Variants in KLF13 observed in about 807,000 individuals in gnomAD.
The protein encoded by KLF13 is KLF transcription factor 13.
A neutral mutation model predicts 16.7 loss-of-function variants in KLF13; 8 were observed. That is an observed-to-expected ratio of 0.48 (90% CI 0.28 to 0.87). The LOEUF (loss-of-function observed/expected upper bound fraction) is 0.87, where lower values mean the gene tolerates loss of function less well. Ranked by LOEUF, KLF13 falls within the 40% of genes least tolerant of loss-of-function variation. KLF13 has a pLI of 0.10. For missense variants in KLF13, 447 were observed against 452.2 expected, an observed-to-expected ratio of 0.99 and a Z score of 0.10; for synonymous variants, 245 against 208.4, an observed-to-expected ratio of 1.18 and a Z score of -1.51.
chr15:31,399,504 A>G (rs1478784701), intron 2 of KLF13, among the ~76,000 whole-genome samples: 1 of 152,052 alleles, frequency 6.6e-6, no homozygotes, highest in Non-Finnish European at 1.5e-5. Flanking sequence ...CCAAACCACC[A>G]CACACTGCCC....
chr15:31,369,930 C>A (rs2039531340), intron 1 of KLF13, among the ~76,000 whole-genome samples: 1 of 152,092 alleles, frequency 6.6e-6, no homozygotes, highest in African/African-American at 2.4e-5. Context: ...GTGAGAGCTC[C>A]TGTTTTTACT....
At chr15:31,360,266 A>G (rs912677728) in intron 1 of KLF13, among the ~76,000 whole-genome samples, 1 of 152,186 alleles carries the variant, frequency 6.6e-6, no homozygotes, top group Non-Finnish European at 1.5e-5. Context: ...GGGCACGGAC[A>G]TGCAGCGGGC....
At chr15:31,366,729 C>CATCACTGTGTGCCCCCATGTG (rs2039477648) in intron 1 of KLF13, among the ~76,000 whole-genome samples, 1 of 150,170 alleles carries the variant, frequency 6.7e-6, no homozygotes, top group African/African-American at 2.5e-5. Flanking sequence ...TGGCCCCTCA[C>CATCACTGTGTGCCCCCATGTG]CTCACTGTGT....
intron 1 of KLF13, among the ~76,000 whole-genome samples, chr15:31,364,221 C>T (rs1031784391): frequency 6.6e-6 from 1 of 152,138 alleles, no homozygotes; most frequent in South Asian, 2.1e-4. Flanking sequence ...TATTCGAAAA[C>T]AAAGCAAAGC....
chr15:31,360,151 G>C (rs2039359970), intron 1 of KLF13, among the ~76,000 whole-genome samples: 2 of 152,224 alleles, frequency 1.3e-5, no homozygotes, highest in South Asian at 4.1e-4. Context: ...TTTCTTCCCG[G>C]CTGGTGTCCC....
intron 1 of KLF13, among the ~76,000 whole-genome samples, chr15:31,414,993 C>A (rs766932729): frequency 5.9e-5 from 9 of 152,170 alleles, no homozygotes; most frequent in Non-Finnish European, 1.3e-4. Flanking sequence ...TGTCTTGGTG[C>A]TATCCTCATA....
chr15:31,399,629 C>G (rs1003547795), intron 2 of KLF13, among the ~76,000 whole-genome samples: 8 of 152,234 alleles, frequency 5.3e-5, no homozygotes, highest in African/African-American at 1.9e-4. Context: ...GTGCTGAAAC[C>G]TGCACTAACC....
chr15:31,360,790 C>A (rs373980479), intron 1 of KLF13, among the ~76,000 whole-genome samples: 13 of 152,188 alleles, frequency 8.5e-5, no homozygotes, highest in Admixed American at 8.5e-4. Flanking sequence ...CATTTTAATT[C>A]GGATGTATTT....
At chr15:31,420,254 A>G in intron 1 of KLF13, 1 of 702,556 alleles carries the variant, frequency 1.4e-6, no homozygotes, top group Non-Finnish European at 2.6e-6. Context: ...GATGACCCTC[A>G]TGATATCTGG....
upstream of KLF13, among the ~76,000 whole-genome samples, chr15:31,392,000 G>T (rs1235858470): frequency 1.3e-5 from 2 of 152,038 alleles, no homozygotes; most frequent in African/African-American, 4.8e-5. Context: ...GGCTGGGCGG[G>T]CGCCGAGCCC....
chr15:31,341,861 T>C (rs1458742045), intron 1 of KLF13, among the ~76,000 whole-genome samples: 2 of 152,138 alleles, frequency 1.3e-5, no homozygotes, highest in African/African-American at 2.4e-5. Context: ...TGCGTCTGTA[T>C]CCTCCTGGAT....
At chr15:31,405,314 A>C (rs1036013238), downstream of KLF13, among the ~76,000 whole-genome samples, 1 of 152,200 alleles carries the variant, frequency 6.6e-6, no homozygotes, top group Admixed American at 6.5e-5. Context: ...ACTCCGTCTC[A>C]AAAAAACAGA....
chr15:31,329,872 G>A (rs1392186783), intron 1 of KLF13, among the ~76,000 whole-genome samples: 1 of 152,208 alleles, frequency 6.6e-6, no homozygotes, highest in Admixed American at 6.5e-5. Context: ...GGGTGGCGGG[G>A]AGTTGGGAAG....
At chr15:31,417,232 G>A (rs1048791113) in intron 1 of KLF13, among the ~76,000 whole-genome samples, 17 of 152,102 alleles carry the variant, frequency 1.1e-4, no homozygotes, top group African/African-American at 4.1e-4. Context: ...AGTGGCTCAT[G>A]GCTGTAATCC....
chr15:31,383,523 G>A (rs141481823), intron 1 of KLF13, among the ~76,000 whole-genome samples: 4 of 152,322 alleles, frequency 2.6e-5, no homozygotes, highest in Non-Finnish European at 4.4e-5. Flanking sequence ...GGACAGGGTC[G>A]CACTCACACT....
intron 1 of KLF13, among the ~76,000 whole-genome samples, chr15:31,340,779 G>T (rs958232942): frequency 6.6e-6 from 1 of 152,146 alleles, no homozygotes; most frequent in African/African-American, 2.4e-5. Flanking sequence ...GCAGGCAGGA[G>T]GATCACTTGA....
intron 1 of KLF13, among the ~76,000 whole-genome samples, chr15:31,353,807 C>T (rs184104646): frequency 1.3e-5 from 2 of 152,176 alleles, no homozygotes; most frequent in Admixed American, 6.5e-5. Context: ...AGGCAACCCC[C>T]ACACCCTTCC....
Position 31,374,984 on chromosome 15 carries a change from T to C in KLF13, c.*2685T>C, listed in dbSNP as rs1051899102. On this transcript the variant is annotated 3_prime_UTR_variant, in exon 2 of 2. Coordinates refer to ENST00000307145, the MANE Select transcript of KLF13 (RefSeq NM_015995.4). The stretch of plus-strand genomic sequence containing the variant: ...GTAACATTGCCTTAAAACAGAAATA[T>C]GCAGGCGTTGGCTATTTTTGGCATA... The C allele has an allele frequency of 1.3e-5, 2 of 152,544 alleles. No individual in the cohort carries two copies. The highest frequency in any genetic ancestry group is 2.9e-5 in the Non-Finnish European group (2 of 68,032). The allele number at this position is 152,544 out of a possible 1,614,324, so 9.4% of individuals were successfully genotyped here. A position where few individuals can be genotyped will look rare whatever the true frequency, so the allele number is the denominator to read the frequency against.
intron 1 of KLF13, among the ~76,000 whole-genome samples, chr15:31,344,174 C>G (rs2039075625): frequency 6.6e-6 from 1 of 152,212 alleles, no homozygotes; most frequent in Non-Finnish European, 1.5e-5. Context: ...CACTCCAGCT[C>G]CAGAGGTGGG....
Sources: allele counts gnomAD v4.1 joint callset (sites outside exome capture counted in the v4.1 genomes callset), GRCh38; gene constraint gnomAD v4.1.1; transcripts MANE v1.5; gene names NCBI Gene and HGNC (gene_info 2026-07-23, HGNC 2026-07-21).